The following PCCA variants were observed in gnomAD, a reference collection of about 807,000 sequenced individuals.
PCCA encodes the protein propionyl-CoA carboxylase subunit alpha, also known as propionyl-CoA carboxylase alpha chain, mitochondrial.
In PCCA, 74 loss-of-function variants were observed where a neutral mutation model predicts 101.3. The observed-to-expected ratio is 0.73, with a 90% CI of 0.61 to 0.89. The LOEUF is 0.89. Among genes scored for constraint, PCCA ranks in the 40% least tolerant of loss-of-function variants. PCCA has a pLI of 0.00. For synonymous variants in PCCA, 294 were observed against 313.6 expected, an observed-to-expected ratio of 0.94 and a Z score of 0.66; for missense variants, 891 against 907.0, an observed-to-expected ratio of 0.98 and a Z score of 0.23.
intron 19 of PCCA, among the ~76,000 whole-genome samples, chr13:100,379,177 C>T (rs565147419): frequency 6.6e-6 from 1 of 152,110 alleles, no homozygotes; most frequent in South Asian, 2.1e-4. Flanking sequence ...ATAGTGTAGT[C>T]ACTGTATGAT....
chr13:100,467,665 T>C (rs2082641819), intron 21 of PCCA, among the ~76,000 whole-genome samples: 1 of 152,178 alleles, frequency 6.6e-6, no homozygotes, highest in Non-Finnish European at 1.5e-5. Context: ...CCACCGCGCC[T>C]GGCATCAAGT....
At chr13:100,139,139 A>C (rs140970697) in intron 4 of PCCA, among the ~76,000 whole-genome samples, 1 of 151,442 alleles carries the variant, frequency 6.6e-6, no homozygotes, top group Non-Finnish European at 1.5e-5. Flanking sequence ...TTTATAGTTA[A>C]TGTGTTGTTT....
chr13:100,131,878 C>T (rs1002594867), intron 4 of PCCA, among the ~76,000 whole-genome samples: 2 of 152,096 alleles, frequency 1.3e-5, no homozygotes, highest in East Asian at 1.9e-4. Context: ...ACATTTATGA[C>T]ATTAGTGTAA....
intron 11 of PCCA, among the ~76,000 whole-genome samples, chr13:100,272,973 A>G (rs543860635): frequency 1.5e-4 from 23 of 152,332 alleles, no homozygotes; most frequent in African/African-American, 5.3e-4. Flanking sequence ...GAAAAGTTCA[A>G]ATGTTTTATA....
At chr13:100,114,650 C>T (rs2048629981) in intron 4 of PCCA, among the ~76,000 whole-genome samples, 1 of 152,048 alleles carries the variant, frequency 6.6e-6, no homozygotes, top group African/African-American at 2.4e-5. Flanking sequence ...CAAAAGAAGA[C>T]ATACAAATCA....
intron 18 of PCCA, among the ~76,000 whole-genome samples, chr13:100,350,527 G>A (rs560943627): frequency 2.6e-5 from 4 of 152,240 alleles, no homozygotes; most frequent in African/African-American, 9.6e-5. Flanking sequence ...GATATTTTCA[G>A]TTACTTAATA....
intron 6 of PCCA, among the ~76,000 whole-genome samples, chr13:100,163,933 T>A (rs530360505): frequency 6.6e-6 from 1 of 152,332 alleles, no homozygotes; most frequent in Admixed American, 6.5e-5. Flanking sequence ...TAACATTTCA[T>A]ATTCTAGTTA....
intron 6 of PCCA, among the ~76,000 whole-genome samples, chr13:100,160,231 G>A (rs925799719): frequency 1.3e-5 from 2 of 152,032 alleles, no homozygotes; most frequent in African/African-American, 4.8e-5. Context: ...GGCCGGGCGC[G>A]GTGGCTCATG....
At chr13:100,294,465 G>A (rs756961107) in intron 12 of PCCA, among the ~76,000 whole-genome samples, 1 of 150,814 alleles carries the variant, frequency 6.6e-6, no homozygotes, top group Non-Finnish European at 1.5e-5. Flanking sequence ...TTTTTTCCAT[G>A]TATACATAGC....
chr13:100,425,547 T>G, intron 19 of PCCA, 86 bp from the exon 20 acceptor site: 1 of 894,740 alleles, frequency 1.1e-6, no homozygotes. Context: ...CTGTTTAAAA[T>G]GGCTGCTGCT....
intron 21 of PCCA, among the ~76,000 whole-genome samples, chr13:100,499,722 T>A (rs2057447): frequency 0.24 from 36,471 of 152,246 alleles, 5,452 homozygotes; most frequent in East Asian, 0.65. Flanking sequence ...AAATAAGACC[T>A]ACGCCTCAGT....
intron 21 of PCCA, among the ~76,000 whole-genome samples, chr13:100,505,216 T>C (rs1424978359): frequency 6.6e-6 from 1 of 152,232 alleles, no homozygotes; most frequent in African/African-American, 2.4e-5. Context: ...TGAATGTCTT[T>C]TCCCTCTGGC....
chr13:100,439,014 G>GC (rs1298860027), intron 20 of PCCA, among the ~76,000 whole-genome samples: 1 of 152,140 alleles, frequency 6.6e-6, no homozygotes, highest in Non-Finnish European at 1.5e-5. Flanking sequence ...AAATTACACT[G>GC]CTTCAGTTTT....
At chr13:100,199,756 A>G in intron 6 of PCCA, among the ~76,000 whole-genome samples, 1 of 152,236 alleles carries the variant, frequency 6.6e-6, no homozygotes, top group East Asian at 1.9e-4. Context: ...ATATATTTAG[A>G]AAGAAACCCT....
chr13:100,268,437 A>G (rs2063087127), intron 10 of PCCA: 3 of 519,090 alleles, frequency 5.8e-6, no homozygotes, highest in South Asian at 2.0e-5. Flanking sequence ...CTGATGTTTT[A>G]CTCGTTGTAT....
At position 100,478,487 on chromosome 13, in the gene PCCA, C is replaced by A. The variant is rs114748980; in HGVS notation, c.1899+29182C>A. The stretch of plus-strand genomic sequence containing the variant: ...CCTTCCCTGGGTACCTGGGGAGGTC[C>A]CCGACTGAGAGGTGGGAAGACCTGT... On this transcript the variant is annotated intron_variant, in intron 21 of 23. Coordinates refer to ENST00000376285, the MANE Select transcript of PCCA (RefSeq NM_000282.4). Among the ~76,000 whole-genome samples, 706 of 152,282 alleles carry A rather than the reference C, an allele frequency of 4.6e-3. 5 individuals carry two copies. The highest frequency in any genetic ancestry group is 0.016 in the African/African-American group (670 of 41,560).
intron 4 of PCCA, among the ~76,000 whole-genome samples, chr13:100,143,873 G>A (rs990729524): frequency 1.3e-5 from 2 of 151,944 alleles, no homozygotes; most frequent in Non-Finnish European, 2.9e-5. Flanking sequence ...TTCTGCCTCA[G>A]CCTCCCAAGC....
At chr13:100,355,531 A>G (rs2073877801) in intron 18 of PCCA, among the ~76,000 whole-genome samples, 1 of 152,196 alleles carries the variant, frequency 6.6e-6, no homozygotes, top group South Asian at 2.1e-4. Context: ...GCATTGTACA[A>G]GCCAAAAATG....
At chr13:100,248,809 C>T (rs569820434) in intron 8 of PCCA, among the ~76,000 whole-genome samples, 26 of 152,148 alleles carry the variant, frequency 1.7e-4, no homozygotes, top group Non-Finnish European at 2.5e-4. Flanking sequence ...TGCAGTGGCG[C>T]GAGCTTGGCT....
Sources: allele counts gnomAD v4.1 joint callset (sites outside exome capture counted in the v4.1 genomes callset), GRCh38; gene constraint gnomAD v4.1.1; transcripts MANE v1.5; gene names NCBI Gene and HGNC (gene_info 2026-07-23, HGNC 2026-07-21).